The following CTNNA2 variants were observed in gnomAD, a reference collection of about 807,000 sequenced individuals.
The protein encoded by CTNNA2 is catenin alpha-2.
A neutral mutation model predicts 101.0 loss-of-function variants in CTNNA2; 42 were observed. That is an observed-to-expected ratio of 0.42 (90% CI 0.32 to 0.54). The LOEUF (loss-of-function observed/expected upper bound fraction) is 0.54. CTNNA2 is among the 20% of genes least tolerant of loss of function. The pLI, the probability that CTNNA2 is intolerant of heterozygous loss-of-function variation, is 0.14. For missense variants in CTNNA2, 871 were observed against 1,223.1 expected (o/e 0.71, Z 4.29); for synonymous variants, 450 against 456.4 (o/e 0.99, Z 0.18).
intron 2 of CTNNA2, among the ~76,000 whole-genome samples, chr2:79,662,715 G>A (rs945546345): frequency 5.3e-5 from 8 of 152,100 alleles, no homozygotes; most frequent in Admixed American, 2.0e-4. Context: ...CTTGTCATCC[G>A]ATTGAAAGTA....
At chr2:79,660,069 T>C (rs1391113101) in intron 2 of CTNNA2, among the ~76,000 whole-genome samples, 1 of 152,084 alleles carries the variant, frequency 6.6e-6, no homozygotes, top group African/African-American at 2.4e-5. Context: ...CTGCTAAATC[T>C]CTGCATCTTT....
At chr2:79,924,993 C>T (rs1466952842) in intron 7 of CTNNA2, among the ~76,000 whole-genome samples, 1 of 152,046 alleles carries the variant, frequency 6.6e-6, no homozygotes, top group Non-Finnish European at 1.5e-5. Context: ...CCCTTAGTGG[C>T]TGATAACAGT....
At chr2:80,487,975 T>C (rs1686732923) in intron 9 of CTNNA2, among the ~76,000 whole-genome samples, 1 of 152,242 alleles carries the variant, frequency 6.6e-6, no homozygotes, top group African/African-American at 2.4e-5. Context: ...TTGTGAATGA[T>C]TAAATTTGTA....
intron 2 of CTNNA2, among the ~76,000 whole-genome samples, chr2:79,226,824 G>A (rs1257688679): frequency 1.3e-5 from 2 of 152,240 alleles, no homozygotes; most frequent in East Asian, 1.9e-4. Context: ...TGGTGGCAGA[G>A]CTCATGGGGA....
chr2:80,562,622 A>G (rs1255318608), intron 12 of CTNNA2, among the ~76,000 whole-genome samples: 1 of 152,208 alleles, frequency 6.6e-6, no homozygotes, highest in Admixed American at 6.5e-5. Flanking sequence ...CTGGCAAAAA[A>G]TATAAAAACG....
At chr2:80,424,044 C>T (rs903458620) in intron 9 of CTNNA2, among the ~76,000 whole-genome samples, 1 of 152,108 alleles carries the variant, frequency 6.6e-6, no homozygotes, top group Admixed American at 6.5e-5. Context: ...CAACCTCCAC[C>T]TCCCGGGTTC....
chr2:80,391,379 G>A (rs1417163953), intron 7 of CTNNA2, among the ~76,000 whole-genome samples: 1 of 152,108 alleles, frequency 6.6e-6, no homozygotes, highest in Non-Finnish European at 1.5e-5. Flanking sequence ...TAATTATTTT[G>A]TGTATCTAAA....
intron 1 of CTNNA2, among the ~76,000 whole-genome samples, chr2:79,597,791 C>T (rs767824770): frequency 7.9e-5 from 12 of 152,144 alleles, no homozygotes; most frequent in Non-Finnish European, 1.5e-4. Flanking sequence ...GCCCTATTAT[C>T]ATCCAAGATA....
chr2:80,207,438 G>A (rs1471733306), intron 7 of CTNNA2, among the ~76,000 whole-genome samples: 1 of 152,224 alleles, frequency 6.6e-6, no homozygotes, highest in East Asian at 1.9e-4. Flanking sequence ...ATGGAGACTG[G>A]AGTAGAGAGA....
At chr2:80,411,096 G>A (rs748245545) in intron 8 of CTNNA2, among the ~76,000 whole-genome samples, 21 of 152,208 alleles carry the variant, frequency 1.4e-4, no homozygotes, top group Admixed American at 1.4e-3. Context: ...CTTTCTGGGA[G>A]AAGTCTCTTG....
intron 1 of CTNNA2, among the ~76,000 whole-genome samples, chr2:79,626,425 C>G (rs906969281): frequency 1.3e-5 from 2 of 152,096 alleles, no homozygotes; most frequent in Non-Finnish European, 1.5e-5. Context: ...CAAGTTTGTA[C>G]CATTAGCCTG....
At chr2:79,538,682 A>G (rs1204597753) in intron 1 of CTNNA2, among the ~76,000 whole-genome samples, 1 of 152,196 alleles carries the variant, frequency 6.6e-6, no homozygotes, top group Non-Finnish European at 1.5e-5. Flanking sequence ...GTGAGTAGGC[A>G]TGTGTGGTTC....
At chr2:79,206,830 C>A (rs932386197) in intron 2 of CTNNA2, among the ~76,000 whole-genome samples, 1 of 152,098 alleles carries the variant, frequency 6.6e-6, no homozygotes, top group African/African-American at 2.4e-5. Context: ...AGAGCAGAAT[C>A]AATAAAATCA....
intron 1 of CTNNA2, among the ~76,000 whole-genome samples, chr2:79,577,589 CA>C (rs1298226964): frequency 6.6e-6 from 1 of 152,002 alleles, no homozygotes; most frequent in Non-Finnish European, 1.5e-5. Flanking sequence ...TACCCCTATC[CA>C]TTCTAAATTT....
chr2:79,882,506 G>A (rs574852240), intron 6 of CTNNA2, among the ~76,000 whole-genome samples: 21 of 152,334 alleles, frequency 1.4e-4, no homozygotes, highest in South Asian at 6.2e-4. Flanking sequence ...TGCCACAGCC[G>A]GTGTGTTGGG....
Position 80,537,675 on chromosome 2 carries a change from CCTCTG to C in CTNNA2, c.1291-7305_1291-7301del, listed in dbSNP as rs546285883. 2.9e-4 allele frequency among the ~76,000 whole-genome samples: 44 copies of C among 151,968 alleles called. No individual in the cohort carries two copies. In the South Asian group the frequency reaches 8.7e-3, roughly 30 times the overall value. On this transcript the variant is annotated intron_variant, in intron 9 of 18. Coordinates refer to ENST00000402739, the MANE Select transcript of CTNNA2 (RefSeq NM_001282597.3). ...ATGGCATGATCTCAGCTCACTGCAA[CCTCTG>C]CCTGCTGGTTTCAAGCAACTCTCCT...
intron 2 of CTNNA2, among the ~76,000 whole-genome samples, chr2:79,715,262 T>C (rs1382014624): frequency 6.8e-6 from 1 of 147,878 alleles, no homozygotes; most frequent in African/African-American, 2.5e-5. Flanking sequence ...TCTAGGGGTA[T>C]TTAGCTTGAA....
rs149860312 is a variant in CTNNA2 at position 79,332,654 on chromosome 2, C to T, written c.-318+19858C>T. On this transcript the variant is annotated intron_variant, in intron 3 of 21. Transcript: ENST00000466387. The stretch of plus-strand genomic sequence containing the variant: ...TGGTCAGCAATCCTACAGGGCTAAA[C>T]AATTAGAGTGTTGTATTTTGTTTTG... Among the ~76,000 whole-genome samples, 118 of 152,282 alleles carry T rather than the reference C, an allele frequency of 7.7e-4. 1 individual carries two copies. Among genetic ancestry groups the T allele is most frequent in the African/African-American group, 2.7e-3 (114 of 41,558 alleles).
chr2:79,915,632 G>A (rs955077854), intron 7 of CTNNA2, among the ~76,000 whole-genome samples: 3 of 152,192 alleles, frequency 2.0e-5, no homozygotes, highest in Non-Finnish European at 1.5e-5. Context: ...AAATGAGAAC[G>A]AAGTGAGGAC....
Sources: gnomAD v4.1 joint callset for allele counts (sites outside exome capture counted in the v4.1 genomes callset) on GRCh38, gnomAD v4.1.1 for gene constraint, MANE v1.5 for transcripts, NCBI Gene and HGNC (gene_info 2026-07-23, HGNC 2026-07-21) for gene names.